The following PRPS1L1 variants were observed in gnomAD, a reference collection of about 807,000 sequenced individuals.
PRPS1L1 encodes ribose-phosphate pyrophosphokinase 3.
PRPS1L1 carries 12 observed loss-of-function variants against 16.4 expected under a neutral mutation model. The ratio of observed to expected loss-of-function variants is 0.73; its 90% CI spans 0.47 to 1.19. The LOEUF is 1.19. PRPS1L1 is among the 50% of genes most tolerant of loss of function. The probability of loss-of-function intolerance (pLI) is 0.00; values close to 1 mark genes in which losing one functional copy is unlikely to be tolerated. For missense variants in PRPS1L1, 408 were observed against 395.8 expected, an observed-to-expected ratio of 1.03 and a Z score of -0.26; for synonymous variants, 153 against 142.5, an observed-to-expected ratio of 1.07 and a Z score of -0.53.
chr7:18,027,340 T>G lies in PRPS1L1; in HGVS notation c.443A>C (p.Glu148Ala). The G allele has an allele frequency of 6.2e-7, 1 of 1,614,038 alleles. No individual in the cohort carries two copies. The highest frequency in any genetic ancestry group is 1.1e-5 in the South Asian group (1 of 91,080). ...CCTTATCCACTTCAGGACAGTTGGC[T>G]CTGCATACAAGTTGTCTACTGGGAT... is the stretch of plus-strand genomic sequence containing the variant. Residue 148 changes from glutamate to alanine, a missense_variant, in exon 1 of 1, where the codon GAG becomes GCG. Transcript: ENST00000506618.
rs770382539 is a variant in PRPS1L1, at chr7:18,027,718, C to T, written c.65G>A (p.Arg22His). The T allele has an allele frequency of 5.6e-6, 9 of 1,613,978 alleles. No individual in the cohort carries two copies. The highest frequency in any genetic ancestry group is 2.2e-5 in the East Asian group (1 of 44,866). The change falls in exon 1 of 1, where the codon CGC becomes CAC. Residue 22 changes from arginine to histidine, a missense_variant. Coordinates refer to ENST00000506618, the MANE Select transcript of PRPS1L1 (RefSeq NM_175886.3). ...CACCTTGCCTAGCTCCAGGCCCAGG[C>T]GGTCAGCAATTTTCTGGGATAAGTC...
Position 18,027,468 on chromosome 7 carries a change from G to A in PRPS1L1, c.315C>T (p.Ser105=). The change falls in exon 1 of 1, where the codon TCC becomes TCT. Residue 105 remains serine (S), a synonymous_variant. Transcript: ENST00000506618. ...TTGCAACAAGCTTGGCAGAGATTGG[G>A]GACCGGCTCTTATCCTTCTTATCCT... 2 of 1,614,092 alleles carry A rather than the reference G, an allele frequency of 1.2e-6. No homozygotes were observed. The highest frequency in any genetic ancestry group is 1.7e-6 in the Non-Finnish European group (2 of 1,179,970).
In PRPS1L1 at chr7:18,026,833, G is replaced by A. The variant is rs758965583; in HGVS notation, c.950C>T (p.Pro317Leu). ...AACCTAGAAGTTATTCTGTTATAAA[G>A]GAACATGGCTGAACAGGTAGGAAAC... Residue 317 changes from proline to leucine, a missense_variant, in exon 1 of 1, where the codon CCT (proline) becomes CTT (leucine). Physicochemically the swap from Pro to Leu is moderately conservative, Grantham distance 98. Coordinates refer to ENST00000506618, the MANE Select transcript of PRPS1L1 (RefSeq NM_175886.3). 1 of 1,582,488 alleles carries A rather than the reference G, an allele frequency of 6.3e-7. No homozygotes were observed. The highest frequency in any genetic ancestry group is 8.6e-7 in the Non-Finnish European group (1 of 1,161,768).
In PRPS1L1 at chr7:18,026,941, A is replaced by G. The variant is rs1007673742; in HGVS notation, c.842T>C (p.Met281Thr). 1.2e-6 allele frequency: 2 copies of G among 1,614,236 alleles called. No homozygotes were observed. Among genetic ancestry groups the G allele is most frequent in the African/African-American group, 2.7e-5 (2 of 75,068 alleles). The stretch of plus-strand genomic sequence containing the variant: ...TACTCGTATTTTGGAGCAATGCTTC[A>G]TCTTCTCATCTTGAGGTATGGTATT... The change falls in exon 1 of 1, where the codon ATG (methionine) becomes ACG (threonine). Residue 281 changes from methionine (M) to threonine (T), a missense_variant. Met to Thr is a moderately conservative substitution (Grantham distance 81, BLOSUM62 -1). Coordinates refer to ENST00000506618, the MANE Select transcript of PRPS1L1 (RefSeq NM_175886.3).
rs1126437 is a variant in PRPS1L1 at position 18,027,651 on chromosome 7, A to C, written c.132T>G (p.Ile44Met). ...CATCCTCTCCACGCACACTCTCATC[A>C]ATTTCCACGCAGGTCTCCTGGTTGC... Residue 44 changes from isoleucine (I) to methionine (M), a missense_variant, in exon 1 of 1, where the codon ATT (isoleucine) becomes ATG (methionine). Ile to Met is a conservative substitution (Grantham distance 10). Coordinates refer to ENST00000506618, the MANE Select transcript of PRPS1L1 (RefSeq NM_175886.3). 1.2e-6 allele frequency: 2 copies of C among 1,613,956 alleles called. No homozygotes were observed. Among genetic ancestry groups the C allele is most frequent in the South Asian group, 1.1e-5 (1 of 91,072 alleles).
Position 18,027,316 on chromosome 7 carries a change from C to T in PRPS1L1, c.467G>A (p.Arg156Lys), listed in dbSNP as rs768692358. ...GTTCTTCCACTCAGGGATATTCTCC[C>T]TTATCCACTTCAGGACAGTTGGCTC... The change falls in exon 1 of 1, where the codon AGG (arginine) becomes AAG (lysine). Residue 156 changes from arginine (R) to lysine (K), a missense_variant. Arg to Lys is a conservative substitution (Grantham distance 26, BLOSUM62 2). Coordinates refer to ENST00000506618, the MANE Select transcript of PRPS1L1 (RefSeq NM_175886.3). 6.2e-7 allele frequency: 1 copy of T among 1,614,176 alleles called. No individual in the cohort carries two copies. Among genetic ancestry groups the T allele is most frequent in the South Asian group, 1.1e-5 (1 of 91,084 alleles).
At position 18,027,636 on chromosome 7, in the gene PRPS1L1, A is replaced by C. The variant is rs1407687078; in HGVS notation, c.147T>G (p.Arg49=). The C allele has an allele frequency of 1.2e-6, 2 of 1,613,996 alleles. No individual in the cohort carries two copies. Among genetic ancestry groups the C allele is most frequent in the South Asian group, 2.2e-5 (2 of 91,058 alleles). Residue 49 remains arginine (R), a synonymous_variant, in exon 1 of 1, where the codon CGT becomes CGG. Coordinates refer to ENST00000506618, the MANE Select transcript of PRPS1L1 (RefSeq NM_175886.3). Reference sequence around the variant, plus strand: ...TCTGAACGATGTAGACATCCTCTCCACGCACACTCTCATCAATTTCCACGC... The same window carrying C: ...TCTGAACGATGTAGACATCCTCTCCCCGCACACTCTCATCAATTTCCACGC...
At position 18,027,727 on chromosome 7, in the gene PRPS1L1, A is replaced by G. The variant is rs769698927; in HGVS notation, c.56T>C (p.Ile19Thr). ...TAGCTCCAGGCCCAGGCGGTCAGCA[A>G]TTTTCTGGGATAAGTCCTGGTGGGA... Residue 19 changes from isoleucine to threonine, a missense_variant, in exon 1 of 1, where the codon ATT becomes ACT. Ile to Thr is a moderately conservative substitution (Grantham distance 89). Transcript: ENST00000506618. 6.2e-6 allele frequency: 10 copies of G among 1,613,596 alleles called. No individual in the cohort carries two copies. Among genetic ancestry groups the G allele is most frequent in the East Asian group, 4.5e-5 (2 of 44,846 alleles).
rs748127937 is a variant in PRPS1L1 at position 18,027,320 on chromosome 7, T to C, written c.463A>G (p.Ile155Val). The change falls in exon 1 of 1, where the codon ATA becomes GTA. Residue 155 changes from isoleucine (I) to valine (V), a missense_variant. Ile to Val is a conservative substitution (Grantham distance 29). Transcript: ENST00000506618. ...TTCCACTCAGGGATATTCTCCCTTATCCACTTCAGGACAGTTGGCTCTGCA... is the reference window on the plus strand; with the variant it reads ...TTCCACTCAGGGATATTCTCCCTTACCCACTTCAGGACAGTTGGCTCTGCA... 1 of 1,614,182 alleles carries C rather than the reference T, an allele frequency of 6.2e-7. No homozygotes were observed. The highest frequency in any genetic ancestry group is 1.3e-5 in the African/African-American group (1 of 75,058).
In PRPS1L1 at chr7:18,027,535, C is replaced by T. The variant is rs1286541423; in HGVS notation, c.248G>A (p.Ser83Asn). 3 of 1,614,174 alleles carry T rather than the reference C, an allele frequency of 1.9e-6. No individual in the cohort carries two copies. The highest frequency in any genetic ancestry group is 4.5e-5 in the East Asian group (2 of 44,870). Residue 83 changes from serine to asparagine, a missense_variant, in exon 1 of 1, where the codon AGC becomes AAC. Coordinates refer to ENST00000506618, the MANE Select transcript of PRPS1L1 (RefSeq NM_175886.3). ...GCATGGGATGACTGCAGTAACTCGG[C>T]TAGCTGAAGCAATCTTGCAGGCATT...
rs371763495 is a variant in PRPS1L1, at chr7:18,027,142, C to T, written c.641G>A (p.Arg214His). 126 of 1,614,124 alleles carry T rather than the reference C, an allele frequency of 7.8e-5. No homozygotes were observed. Among genetic ancestry groups the T allele is most frequent in the Non-Finnish European group, 1.0e-4 (120 of 1,180,056 alleles). Residue 214 changes from arginine (R) to histidine (H), a missense_variant, in exon 1 of 1, where the codon CGT becomes CAT. Transcript: ENST00000506618. The stretch of plus-strand genomic sequence containing the variant: ...CATGTCATCTACAAGGATAGCCACA[C>T]GATCATTCACATCTCCCACTAGCAC...
At position 18,027,350 on chromosome 7, in the gene PRPS1L1, A is replaced by G. The variant is rs368437252; in HGVS notation, c.433T>C (p.Leu145=). The G allele has an allele frequency of 6.2e-7, 1 of 1,608,142 alleles. No individual in the cohort carries two copies. Residue 145 remains leucine (L), a synonymous_variant, in exon 1 of 1, where the codon TTG becomes CTG. Transcript: ENST00000506618. ...TTCAGGACAGTTGGCTCTGCATACA[A>G]GTTGTCTACTGGGATATCAAAAAAG...
chr7:18,026,959 A>G lies in PRPS1L1; in HGVS notation c.824T>C (p.Ile275Thr). The G allele has an allele frequency of 6.2e-7, 1 of 1,614,158 alleles. No individual in the cohort carries two copies. Among genetic ancestry groups the G allele is most frequent in the Non-Finnish European group, 8.5e-7 (1 of 1,180,012 alleles). ...ATGCTTCATCTTCTCATCTTGAGGTATGGTATTGGTGACTACCACTGCTTC... is the reference window on the plus strand; with the variant it reads ...ATGCTTCATCTTCTCATCTTGAGGTGTGGTATTGGTGACTACCACTGCTTC... The change falls in exon 1 of 1, where the codon ATA (isoleucine) becomes ACA (threonine). Residue 275 changes from isoleucine to threonine, a missense_variant. Transcript: ENST00000506618.
In PRPS1L1 at chr7:18,026,968, G is replaced by A. The variant is rs1377446160; in HGVS notation, c.815C>T (p.Thr272Ile). The change falls in exon 1 of 1, where the codon ACC becomes ATC. Residue 272 changes from threonine to isoleucine, a missense_variant. Physicochemically the swap from Thr to Ile is moderately conservative, Grantham distance 89. Transcript: ENST00000506618. ...CTTCTCATCTTGAGGTATGGTATTG[G>A]TGACTACCACTGCTTCAAAGCATGC... 1 of 1,614,146 alleles carries A rather than the reference G, an allele frequency of 6.2e-7. No homozygotes were observed. Among genetic ancestry groups the A allele is most frequent in the South Asian group, 1.1e-5 (1 of 91,084 alleles).
chr7:18,027,290 A>G lies in PRPS1L1; in HGVS notation c.493T>C (p.Cys165Arg), dbSNP rs1383571982. The G allele has an allele frequency of 2.5e-6, 4 of 1,614,100 alleles. No individual in the cohort carries two copies. The highest frequency in any genetic ancestry group is 2.2e-5 in the East Asian group (1 of 44,888). Reference sequence around the variant, plus strand: ...CCAGCATCTGGCGAGACAATAATGCAGTTCTTCCACTCAGGGATATTCTCC... The same window carrying G: ...CCAGCATCTGGCGAGACAATAATGCGGTTCTTCCACTCAGGGATATTCTCC... Residue 165 changes from cysteine (C) to arginine (R), a missense_variant, in exon 1 of 1, where the codon TGC becomes CGC. By Grantham distance (180) the Cys-to-Arg change is radical. Coordinates refer to ENST00000506618, the MANE Select transcript of PRPS1L1 (RefSeq NM_175886.3).
chr7:18,027,332 CA>C lies in PRPS1L1; in HGVS notation c.450del (p.Val151SerfsTer2). 1 of 1,614,114 alleles carries C rather than the reference CA, an allele frequency of 6.2e-7. No individual in the cohort carries two copies. Among genetic ancestry groups the C allele is most frequent in the Non-Finnish European group, 8.5e-7 (1 of 1,180,010 alleles). ...ATATTCTCCCTTATCCACTTCAGGACAGTTGGCTCTGCATACAAGTTGTCTA... is the reference window on the plus strand; with the variant it reads ...ATATTCTCCCTTATCCACTTCAGGACGTTGGCTCTGCATACAAGTTGTCTA... On this transcript the variant is annotated frameshift_variant, in exon 1 of 1. Transcript: ENST00000506618. LOFTEE classifies it high-confidence loss of function.
Position 18,027,455 on chromosome 7 carries a change from T to C in PRPS1L1, c.328A>G (p.Lys110Glu). 1 of 1,614,198 alleles carries C rather than the reference T, an allele frequency of 6.2e-7. No homozygotes were observed. Among genetic ancestry groups the C allele is most frequent in the Non-Finnish European group, 8.5e-7 (1 of 1,180,042 alleles). ...ATAGAGAGCATATTTGCAACAAGCT[T>C]GGCAGAGATTGGGGACCGGCTCTTA... Residue 110 changes from lysine to glutamate, a missense_variant, in exon 1 of 1, where the codon AAG becomes GAG. By Grantham distance (56) the Lys-to-Glu change is moderately conservative. Coordinates refer to ENST00000506618, the MANE Select transcript of PRPS1L1 (RefSeq NM_175886.3).
Position 18,027,381 on chromosome 7 carries a change from A to G in PRPS1L1, c.402T>C (p.Ile134=). The stretch of plus-strand genomic sequence containing the variant: ...CTACTGGGATATCAAAAAAGCCCTG[A>G]ATTTGAGAAGCATGTAGGTCCATGG... The change falls in exon 1 of 1, where the codon ATT becomes ATC. Residue 134 remains isoleucine (I), a synonymous_variant. Coordinates refer to ENST00000506618, the MANE Select transcript of PRPS1L1 (RefSeq NM_175886.3). 6.2e-7 allele frequency: 1 copy of G among 1,614,196 alleles called. No individual in the cohort carries two copies.
Position 18,027,074 on chromosome 7 carries a change from G to A in PRPS1L1, c.709C>T (p.Leu237Phe). The A allele has an allele frequency of 6.2e-7, 1 of 1,614,264 alleles. No individual in the cohort carries two copies. The highest frequency in any genetic ancestry group is 1.3e-5 in the African/African-American group (1 of 75,072). ...TAAACTCTGGTTGCTCCAGCTGAGA[G>A]AAGTTTGTCAGCTGCGAGGCAGATT... Residue 237 changes from leucine (L) to phenylalanine (F), a missense_variant, in exon 1 of 1, where the codon CTC (leucine) becomes TTC (phenylalanine). Leu to Phe is a conservative substitution (Grantham distance 22, BLOSUM62 0). Transcript: ENST00000506618.
Sources: gnomAD v4.1 joint callset for allele counts on GRCh38, gnomAD v4.1.1 for gene constraint, MANE v1.5 for transcripts, NCBI Gene and HGNC (gene_info 2026-07-23, HGNC 2026-07-21) for gene names.